GNB1: variants seen among roughly 807,000 people sequenced by gnomAD.
The protein encoded by GNB1 is guanine nucleotide-binding protein G(I)/G(S)/G(T) subunit beta-1.
GNB1 carries 2 observed loss-of-function variants against 42.9 expected under a neutral mutation model. That is an observed-to-expected ratio of 0.05 (90% CI 0.02 to 0.15). The LOEUF is 0.15. Among genes scored for constraint, GNB1 ranks in the 10% least tolerant of loss-of-function variants. GNB1 has a pLI of 1.00. For missense variants in GNB1, 193 were observed against 462.2 expected (o/e 0.42, Z 5.34); for synonymous variants, 183 against 174.7 (o/e 1.05, Z -0.38).
intron 5 of GNB1, among the ~76,000 whole-genome samples, chr1:1,815,420 C>A (rs1021619884): frequency 6.6e-6 from 1 of 152,188 alleles, no homozygotes; most frequent in Non-Finnish European, 1.5e-5. Flanking sequence ...AGAGAGGTAA[C>A]TTCCCCAAGT....
chr1:1,795,375 C>T (rs907160671), intron 7 of GNB1, among the ~76,000 whole-genome samples: 2 of 152,162 alleles, frequency 1.3e-5, no homozygotes, highest in Non-Finnish European at 2.9e-5. Context: ...AATGTGAGCA[C>T]AGAAGGGCAG....
At chr1:1,888,016 T>C (rs544874430) in intron 1 of GNB1, among the ~76,000 whole-genome samples, 15 of 152,274 alleles carry the variant, frequency 9.9e-5, no homozygotes, top group Admixed American at 6.5e-4. Flanking sequence ...TTACTTCAAC[T>C]TTCCCACCCA....
intron 7 of GNB1, among the ~76,000 whole-genome samples, chr1:1,802,266 A>C (rs1306111135): frequency 6.6e-6 from 1 of 152,220 alleles, no homozygotes; most frequent in Non-Finnish European, 1.5e-5. Context: ...CGCGGCCACC[A>C]TGACAGACCA....
intron 3 of GNB1, 51 bp from the exon 4 acceptor site, chr1:1,817,926 C>T (rs768960857): frequency 1.5e-6 from 2 of 1,370,328 alleles, no homozygotes; most frequent in Non-Finnish European, 1.0e-6. Context: ...TACATTCAAT[C>T]TCAGGTCCAC....
chr1:1,812,659 ACT>A (rs1646798226), intron 5 of GNB1, among the ~76,000 whole-genome samples: 1 of 152,178 alleles, frequency 6.6e-6, no homozygotes. Flanking sequence ...CACAGGCCTC[ACT>A]GAAGACCGCC....
At position 1,865,999 on chromosome 1, in the gene GNB1, C is replaced by T. The variant is rs139341196; in HGVS notation, c.-96+24821G>A. Among the ~76,000 whole-genome samples the T allele has an allele frequency of 3.5e-3, 531 of 151,280 alleles. 3 individuals are homozygous for T. The highest frequency in any genetic ancestry group is 6.8e-3 in the Middle Eastern group (2 of 292). Reference sequence around the variant, plus strand: ...TGTTGCCCAGGCTGGAGTACAATGGCGCAACGTTGGCTCACTGCAACTTCC... The same window carrying T: ...TGTTGCCCAGGCTGGAGTACAATGGTGCAACGTTGGCTCACTGCAACTTCC... On this transcript the variant is annotated intron_variant, in intron 1 of 11. Coordinates refer to ENST00000378609, the MANE Select transcript of GNB1 (RefSeq NM_002074.5).
chr1:1,827,041 T>G (rs1647008690), intron 2 of GNB1, among the ~76,000 whole-genome samples: 2 of 152,208 alleles, frequency 1.3e-5, no homozygotes, highest in Non-Finnish European at 2.9e-5. Flanking sequence ...GAGGATCAAT[T>G]TTACCATTAT....
intron 4 of GNB1, among the ~76,000 whole-genome samples, chr1:1,816,771 C>G (rs150770544): frequency 1.3e-5 from 2 of 151,728 alleles, no homozygotes; most frequent in Non-Finnish European, 2.9e-5. Flanking sequence ...GCCTCAGCCC[C>G]CTGAGTAGCT....
At chr1:1,882,667 A>C (rs1463219814) in intron 1 of GNB1, among the ~76,000 whole-genome samples, 1 of 152,186 alleles carries the variant, frequency 6.6e-6, no homozygotes, top group Non-Finnish European at 1.5e-5. Context: ...TCACGCCTGT[A>C]ATCCCAGCAC....
At chr1:1,805,915 T>C (rs1646690540) in intron 6 of GNB1, among the ~76,000 whole-genome samples, 1 of 152,212 alleles carries the variant, frequency 6.6e-6, no homozygotes, top group Admixed American at 6.5e-5. Flanking sequence ...TCTCCCACTG[T>C]TTTAGATCTG....
chr1:1,828,571 A>G (rs1238156739), intron 2 of GNB1, among the ~76,000 whole-genome samples: 1 of 152,162 alleles, frequency 6.6e-6, no homozygotes, highest in African/African-American at 2.4e-5. Flanking sequence ...GACCTCACAA[A>G]ATTTCAGAAG....
At chr1:1,808,268 G>C (rs995844535) in intron 5 of GNB1, among the ~76,000 whole-genome samples, 1 of 152,086 alleles carries the variant, frequency 6.6e-6, no homozygotes, top group Non-Finnish European at 1.5e-5. Context: ...GCCTCCCAAC[G>C]TTTTGGTATT....
chr1:1,856,957 G>A (rs1344424823), intron 1 of GNB1, among the ~76,000 whole-genome samples: 2 of 152,198 alleles, frequency 1.3e-5, no homozygotes. Flanking sequence ...ACATTCAGGA[G>A]AGCCCAGGTA....
At chr1:1,788,691 T>G in intron 10 of GNB1, 1 of 211,838 alleles carries the variant, frequency 4.7e-6, no homozygotes, top group Non-Finnish European at 9.8e-6. Flanking sequence ...ACGCTTGCCT[T>G]TGATATGTTA....
intron 6 of GNB1, 150 bp from the exon 7 acceptor site, chr1:1,804,731 C>A: frequency 1.6e-6 from 1 of 613,324 alleles, no homozygotes. Context: ...CCATATGTGG[C>A]CACTCAGGTG....
Position 1,785,761 on chromosome 1 carries a change from C to T in GNB1, c.*1302G>A, listed in dbSNP as rs765172063. 8.9e-5 allele frequency: 33 copies of T among 370,220 alleles called. No individual in the cohort carries two copies. The highest frequency in any genetic ancestry group is 1.5e-4 in the Non-Finnish European group (31 of 209,452). 22.9% of individuals were successfully genotyped at this position (370,220 alleles called of 1,614,324 possible). A position where few individuals can be genotyped will look rare whatever the true frequency, so the allele number is the denominator to read the frequency against. On this transcript the variant is annotated 3_prime_UTR_variant, in exon 12 of 12. Transcript: ENST00000378609. ...ACTCCCTCTCCCTCCCTCTCTCTCC[C>T]TCCCCACCCTCAGAATCCAACAGCA...
intron 2 of GNB1, among the ~76,000 whole-genome samples, chr1:1,836,739 T>C (rs1413382311): frequency 1.3e-5 from 2 of 152,194 alleles, no homozygotes; most frequent in Admixed American, 6.5e-5. Flanking sequence ...TTAGTAGAGA[T>C]GGGGTTTCCC....
intron 6 of GNB1, among the ~76,000 whole-genome samples, chr1:1,805,155 C>A (rs984533939): frequency 1.1e-4 from 16 of 147,090 alleles, no homozygotes; most frequent in Non-Finnish European, 1.9e-4. Flanking sequence ...GAGCGAGACT[C>A]CGTCTCAAAA....
intron 1 of GNB1, among the ~76,000 whole-genome samples, chr1:1,881,529 G>C (rs1402987703): frequency 6.6e-6 from 1 of 151,818 alleles, no homozygotes; most frequent in African/African-American, 2.4e-5. Flanking sequence ...TCAGCCTAAT[G>C]AGTAGCTGAG....
Sources: allele counts gnomAD v4.1 joint callset (sites outside exome capture counted in the v4.1 genomes callset), GRCh38; gene constraint gnomAD v4.1.1; transcripts MANE v1.5; gene names NCBI Gene and HGNC (gene_info 2026-07-23, HGNC 2026-07-21).